Variants in NDUFAF2 observed in about 807,000 individuals in gnomAD.
NDUFAF2 encodes NADH:ubiquinone oxidoreductase complex assembly factor 2.
Under a neutral mutation model 22.8 loss-of-function variants are expected in NDUFAF2, and 13 were observed. That is an observed-to-expected ratio of 0.57 (90% confidence interval 0.37 to 0.91). The LOEUF is 0.91. NDUFAF2 is among the 40% of genes least tolerant of loss of function. The pLI is 0.01. For synonymous variants in NDUFAF2, 53 were observed against 64.2 expected (o/e 0.83, Z 0.84); for missense variants, 162 against 195.2 (o/e 0.83, Z 1.01).
chr5:61,087,442 G>C (rs1752517331), intron 2 of NDUFAF2, among the ~76,000 whole-genome samples: 1 of 152,082 alleles, frequency 6.6e-6, no homozygotes, highest in African/African-American at 2.4e-5. Flanking sequence ...CAACAGTGAA[G>C]TACCACTACA....
At chr5:61,102,078 C>T (rs910072418) in intron 3 of NDUFAF2, among the ~76,000 whole-genome samples, 3 of 152,088 alleles carry the variant, frequency 2.0e-5, no homozygotes, top group African/African-American at 7.2e-5. Context: ...GCTGATGGTT[C>T]ATAGCCCATA....
At chr5:61,013,224 C>A (rs1048381461) in intron 1 of NDUFAF2, among the ~76,000 whole-genome samples, 4 of 151,918 alleles carry the variant, frequency 2.6e-5, no homozygotes, top group Non-Finnish European at 4.4e-5. Context: ...CAGGGAACAG[C>A]TGATAAATAA....
At chr5:60,982,509 ATT>A (rs1376714558) in intron 1 of NDUFAF2, among the ~76,000 whole-genome samples, 1 of 149,944 alleles carries the variant, frequency 6.7e-6, no homozygotes. Context: ...TTAACTCATC[ATT>A]TAACATTAGG....
chr5:60,957,807 T>C (rs1056023093), intron 1 of NDUFAF2, among the ~76,000 whole-genome samples: 1 of 152,140 alleles, frequency 6.6e-6, no homozygotes, highest in Non-Finnish European at 1.5e-5. Flanking sequence ...CTGTGAGAAA[T>C]AGGGAAGGGG....
intron 3 of NDUFAF2, among the ~76,000 whole-genome samples, chr5:61,130,877 G>T (rs1753100232): frequency 6.6e-6 from 1 of 152,114 alleles, no homozygotes. Context: ...ATACGAAACA[G>T]TACCAGAAAT....
intron 3 of NDUFAF2, among the ~76,000 whole-genome samples, chr5:61,122,305 A>G (rs1752985816): frequency 6.6e-6 from 1 of 152,190 alleles, no homozygotes; most frequent in South Asian, 2.1e-4. Flanking sequence ...CATACTCTTA[A>G]AAAGTTTGAA....
At chr5:61,021,115 T>C (rs2112603810) in intron 1 of NDUFAF2, among the ~76,000 whole-genome samples, 1 of 152,184 alleles carries the variant, frequency 6.6e-6, no homozygotes, top group East Asian at 1.9e-4. Flanking sequence ...TAGTTTCCTA[T>C]TGCTGCTGTC....
intron 1 of NDUFAF2, among the ~76,000 whole-genome samples, chr5:61,061,138 T>C (rs1752160204): frequency 6.6e-6 from 1 of 152,154 alleles, no homozygotes; most frequent in Non-Finnish European, 1.5e-5. Flanking sequence ...TTTCTAACCA[T>C]CCTTTAAATA....
chr5:60,954,499 C>T (rs1418037607), intron 1 of NDUFAF2, among the ~76,000 whole-genome samples: 4 of 152,088 alleles, frequency 2.6e-5, no homozygotes, highest in Non-Finnish European at 5.9e-5. Flanking sequence ...ACAGTATTCC[C>T]TGGTTACCTG....
chr5:61,065,906 C>T (rs1752221352), intron 1 of NDUFAF2, among the ~76,000 whole-genome samples: 1 of 151,758 alleles, frequency 6.6e-6, no homozygotes, highest in South Asian at 2.1e-4. Flanking sequence ...AGAATTATCT[C>T]TATCTGTAGA....
At chr5:61,055,854 C>T (rs896110154) in intron 1 of NDUFAF2, among the ~76,000 whole-genome samples, 2 of 152,108 alleles carry the variant, frequency 1.3e-5, no homozygotes, top group Admixed American at 6.6e-5. Context: ...TTTCCTTATC[C>T]ATTCAATTTT....
intron 1 of NDUFAF2, among the ~76,000 whole-genome samples, chr5:60,952,967 A>G (rs1455548552): frequency 6.6e-6 from 1 of 152,154 alleles, no homozygotes; most frequent in Non-Finnish European, 1.5e-5. Context: ...AAGAGCAATT[A>G]GCAAGCTGTG....
intron 1 of NDUFAF2, among the ~76,000 whole-genome samples, chr5:60,954,011 C>A (rs1444782843): frequency 6.6e-6 from 1 of 152,066 alleles, no homozygotes; most frequent in Non-Finnish European, 1.5e-5. Flanking sequence ...TGTTCTAAAT[C>A]ATTATTTCTA....
chr5:60,961,085 G>T (rs577206755), intron 1 of NDUFAF2, among the ~76,000 whole-genome samples: 47 of 152,240 alleles, frequency 3.1e-4, no homozygotes, highest in African/African-American at 1.1e-3. Context: ...AGTGGTGGTG[G>T]TGGTGGTGAA....
intron 3 of NDUFAF2, among the ~76,000 whole-genome samples, chr5:61,151,595 A>G (rs159536): frequency 0.41 from 61,787 of 151,900 alleles, 13,491 homozygotes; most frequent in East Asian, 0.8. Context: ...CCTGACCAAC[A>G]TGGAGAAACC....
chr5:61,080,355 C>T (rs1752427031), intron 2 of NDUFAF2, among the ~76,000 whole-genome samples: 1 of 152,138 alleles, frequency 6.6e-6, no homozygotes, highest in Non-Finnish European at 1.5e-5. Flanking sequence ...TTATAAAAAA[C>T]TGCCAAGATA....
chr5:61,152,115 C>T (rs963236859), intron 3 of NDUFAF2, among the ~76,000 whole-genome samples: 3 of 151,970 alleles, frequency 2.0e-5, no homozygotes, highest in African/African-American at 7.3e-5. Flanking sequence ...AAAGTATTTC[C>T]AATAGCAAAG....
At chr5:61,077,506 A>G (rs548926653) in intron 2 of NDUFAF2, among the ~76,000 whole-genome samples, 1 of 152,336 alleles carries the variant, frequency 6.6e-6, no homozygotes, top group Non-Finnish European at 1.5e-5. Flanking sequence ...ATAGCAAGAG[A>G]GAATTTGGAG....
At chr5:61,076,183 G>A (rs960766649) in intron 2 of NDUFAF2, among the ~76,000 whole-genome samples, 1 of 152,112 alleles carries the variant, frequency 6.6e-6, no homozygotes, top group Non-Finnish European at 1.5e-5. Flanking sequence ...CCATTCTCCC[G>A]CCTCAGCCTC....
Sources: allele counts gnomAD v4.1 joint callset (sites outside exome capture counted in the v4.1 genomes callset), GRCh38; gene constraint gnomAD v4.1.1; transcripts MANE v1.5; gene names NCBI Gene and HGNC (gene_info 2026-07-23, HGNC 2026-07-21).